Variants in FMN1 observed in about 807,000 individuals in gnomAD.
The protein encoded by FMN1 is formin-1.
FMN1 carries 110 observed loss-of-function variants against 132.4 expected under a neutral mutation model. That is an observed-to-expected ratio of 0.83 (90% CI 0.71 to 0.97). FMN1 has a LOEUF of 0.97. Ranked by LOEUF, FMN1 falls within the 50% of genes least tolerant of loss-of-function variation. FMN1 has a pLI of 0.00. For missense variants in FMN1, 1,792 were observed against 1,705.3 expected (o/e 1.05, Z -0.90); for synonymous variants, 722 against 651.7 (o/e 1.11, Z -1.64).
chr15:33,128,004 G>T (rs754098472), intron 4 of FMN1, among the ~76,000 whole-genome samples: 2 of 152,158 alleles, frequency 1.3e-5, no homozygotes, highest in Non-Finnish European at 2.9e-5. Flanking sequence ...GGGGGAAGGG[G>T]AAAATAGACA....
At chr15:32,832,045 G>A (rs528814633) in intron 17 of FMN1, among the ~76,000 whole-genome samples, 5 of 152,160 alleles carry the variant, frequency 3.3e-5, no homozygotes, top group Non-Finnish European at 7.4e-5. Flanking sequence ...ACAATATAGA[G>A]TTCCTGTGAT....
chr15:32,804,132 A>G (rs2057576528), intron 18 of FMN1, 149 bp downstream of exon 18: 1 of 611,562 alleles, frequency 1.6e-6, no homozygotes, highest in Non-Finnish European at 2.8e-6. Flanking sequence ...GGAATGGGGA[A>G]TTTGTGTTTA....
At chr15:33,046,068 T>C (rs1393426754) in intron 6 of FMN1, among the ~76,000 whole-genome samples, 1 of 152,042 alleles carries the variant, frequency 6.6e-6, no homozygotes, top group East Asian at 1.9e-4. Flanking sequence ...TTTTAATTTA[T>C]TATTACTGTT....
chr15:32,773,965 T>G lies in FMN1; in HGVS notation c.*345A>C. 3.3e-6 allele frequency: 1 copy of G among 306,592 alleles called. No homozygotes were observed. The highest frequency in any genetic ancestry group is 6.0e-6 in the Non-Finnish European group (1 of 167,514). The allele number at this position is 306,592 out of a possible 1,614,324, so 19.0% of individuals were successfully genotyped here. On this transcript the variant is annotated 3_prime_UTR_variant, in exon 21 of 21. Transcript: ENST00000616417. ...CTCTCTTCTGTGACAATGTGACATA[T>G]ATCAAGCTTTGGTTATAAAGCTGGA...
At position 33,007,996 on chromosome 15, in the gene FMN1, AG is replaced by A; in HGVS notation, c.2223+17del. 6.3e-7 allele frequency: 1 copy of A among 1,588,486 alleles called. No homozygotes were observed. Among genetic ancestry groups the A allele is most frequent in the Admixed American group, 1.8e-5 (1 of 57,082 alleles). On this transcript the variant is annotated intron_variant, in intron 7 of 20. Coordinates refer to ENST00000616417, the MANE Select transcript of FMN1 (RefSeq NM_001277313.2). ...ATCAGTTCTATAGAACCCGTTCAGTAGCATCAAAGAGGCATACCTGCAGGTT... is the reference window on the plus strand; with the variant it reads ...ATCAGTTCTATAGAACCCGTTCAGTACATCAAAGAGGCATACCTGCAGGTT...
intron 17 of FMN1, among the ~76,000 whole-genome samples, chr15:32,848,618 G>C (rs901691908): frequency 6.6e-6 from 1 of 152,178 alleles, no homozygotes; most frequent in Admixed American, 6.5e-5. Flanking sequence ...TCTAGGTTCA[G>C]GTGGCTAAGG....
Position 33,064,961 on chromosome 15 carries a change from T to C in FMN1, c.2157A>G (p.Glu719=), listed in dbSNP as rs1374918301. 1.2e-6 allele frequency: 2 copies of C among 1,606,620 alleles called. No individual in the cohort carries two copies. Among genetic ancestry groups the C allele is most frequent in the South Asian group, 2.2e-5 (2 of 89,802 alleles). ...CCTAGCTTCCTTTCACATTACCTGCTTCAGTGTACTTCAGTCCCACTTTTT... is the reference window on the plus strand; with the variant it reads ...CCTAGCTTCCTTTCACATTACCTGCCTCAGTGTACTTCAGTCCCACTTTTT... ...TEEKVGLKYT[E]AEYQAAILHL... is the part of the protein sequence containing the mutation. Residue 719 remains glutamate, a synonymous_variant, in exon 6 of 21, where the codon GAA becomes GAG. Transcript: ENST00000616417.
chr15:32,899,934 G>A (rs368441347), intron 14 of FMN1, 45 bp downstream of exon 14: 62 of 1,586,642 alleles, frequency 3.9e-5, no homozygotes, highest in East Asian at 3.4e-4. Flanking sequence ...GGTAAAGAAA[G>A]AAAATAATGG....
At chr15:33,101,449 C>T (rs1391762811) in intron 4 of FMN1, among the ~76,000 whole-genome samples, 1 of 150,036 alleles carries the variant, frequency 6.7e-6, no homozygotes, top group Non-Finnish European at 1.5e-5. Context: ...CTAACAATAG[C>T]TGATGAGCTT....
intron 6 of FMN1, among the ~76,000 whole-genome samples, chr15:33,058,811 G>A (rs921622774): frequency 3.9e-5 from 6 of 152,050 alleles, no homozygotes; most frequent in East Asian, 1.9e-4. Context: ...TAGATGATGC[G>A]GTGTTTTGAT....
Position 33,077,560 on chromosome 15 carries a change from T to C in FMN1, c.2043+11239A>G, listed in dbSNP as rs536232763. On this transcript the variant is annotated intron_variant, in intron 5 of 20. Transcript: ENST00000616417. ...CCCCGGTGTGTGATGTTCCCCTTCC[T>C]ATGTCCATGTGTTCTCACTGTTCAA... 2.9e-3 allele frequency among the ~76,000 whole-genome samples: 438 copies of C among 151,780 alleles called. 1 individual carries two copies. Among genetic ancestry groups the C allele is most frequent in the African/African-American group, 9.9e-3 (408 of 41,416 alleles).
chr15:33,097,644 A>G (rs770395502), intron 4 of FMN1, among the ~76,000 whole-genome samples: 16 of 152,168 alleles, frequency 1.1e-4, no homozygotes, highest in Non-Finnish European at 1.6e-4. Flanking sequence ...GGAGGAGGGC[A>G]GACAGAGAGA....
chr15:33,165,182 G>A (rs1965048011), intron 3 of FMN1, among the ~76,000 whole-genome samples: 1 of 152,150 alleles, frequency 6.6e-6, no homozygotes, highest in Admixed American at 6.5e-5. Flanking sequence ...ATTTTACTTT[G>A]TAGTTAGTAA....
chr15:33,026,809 C>G (rs1387087677), intron 6 of FMN1, among the ~76,000 whole-genome samples: 1 of 152,166 alleles, frequency 6.6e-6, no homozygotes, highest in Non-Finnish European at 1.5e-5. Flanking sequence ...CCAGGCCAGA[C>G]AAGTACCCAG....
intron 6 of FMN1, chr15:33,012,151 G>T: frequency 2.0e-6 from 1 of 512,466 alleles, no homozygotes. Context: ...CAAAGGGCCT[G>T]AACAGCTGTG....
intron 8 of FMN1, among the ~76,000 whole-genome samples, chr15:32,966,214 A>T: frequency 6.6e-6 from 1 of 152,182 alleles, no homozygotes; most frequent in South Asian, 2.1e-4. Flanking sequence ...CAGTGTAACT[A>T]GTATTATAAT....
chr15:32,930,811 T>C (rs2061096574), intron 9 of FMN1, among the ~76,000 whole-genome samples: 2 of 152,072 alleles, frequency 1.3e-5, no homozygotes, highest in South Asian at 4.1e-4. Context: ...TTTAAAAAAG[T>C]TTTATAGTTT....
chr15:33,067,155 G>T, intron 5 of FMN1: 4 of 1,613,948 alleles, frequency 2.5e-6, no homozygotes, highest in Non-Finnish European at 2.5e-6. Context: ...GTTACTGCAG[G>T]TAGGTCTTGG....
At chr15:33,146,693 T>G (rs1964235515) in intron 4 of FMN1, among the ~76,000 whole-genome samples, 1 of 152,076 alleles carries the variant, frequency 6.6e-6, no homozygotes, top group Non-Finnish European at 1.5e-5. Flanking sequence ...GCCACAAAGA[T>G]ACATTAGATA....
Sources: gnomAD v4.1 joint callset for allele counts (sites outside exome capture counted in the v4.1 genomes callset) on GRCh38, gnomAD v4.1.1 for gene constraint, MANE v1.5 for transcripts, NCBI Gene and HGNC (gene_info 2026-07-23, HGNC 2026-07-21) for gene names.